CTNNA2: variants seen among roughly 807,000 people sequenced by gnomAD.
The protein encoded by CTNNA2 is catenin alpha-2.
A neutral mutation model predicts 101.0 loss-of-function variants in CTNNA2; 42 were observed. The observed-to-expected ratio is 0.42, with a 90% confidence interval of 0.32 to 0.54. The LOEUF (loss-of-function observed/expected upper bound fraction) is 0.54. CTNNA2 is among the 20% of genes least tolerant of loss of function. CTNNA2 has a pLI of 0.14. For synonymous variants in CTNNA2, 450 were observed against 456.4 expected, an observed-to-expected ratio of 0.99 and a Z score of 0.18; for missense variants, 871 against 1,223.1, an observed-to-expected ratio of 0.71 and a Z score of 4.29.
At chr2:79,597,540 T>A (rs1677281156) in intron 1 of CTNNA2, among the ~76,000 whole-genome samples, 1 of 151,972 alleles carries the variant, frequency 6.6e-6, no homozygotes, top group Admixed American at 6.6e-5. Context: ...ACAGTGGGAC[T>A]GTGGCCGTGA....
intron 2 of CTNNA2, among the ~76,000 whole-genome samples, chr2:79,682,219 T>C (rs1271164209): frequency 6.6e-6 from 1 of 151,516 alleles, no homozygotes; most frequent in East Asian, 2.0e-4. Context: ...CCATCCTGGC[T>C]AACAAGGTGA....
At chr2:80,370,980 A>G (rs550637579) in intron 7 of CTNNA2, among the ~76,000 whole-genome samples, 1 of 152,310 alleles carries the variant, frequency 6.6e-6, no homozygotes, top group East Asian at 1.9e-4. Context: ...ATGATTGAGC[A>G]AAAACGATAT....
At chr2:79,887,295 T>G (rs190871346) in intron 6 of CTNNA2, among the ~76,000 whole-genome samples, 3 of 152,292 alleles carry the variant, frequency 2.0e-5, no homozygotes, top group Admixed American at 2.0e-4. Context: ...ACTGAGGAAG[T>G]AGAATCAACA....
intron 18 of CTNNA2, among the ~76,000 whole-genome samples, chr2:80,620,827 C>T (rs1671044797): frequency 6.6e-6 from 1 of 151,854 alleles, no homozygotes; most frequent in Admixed American, 6.6e-5. Context: ...TATTTTCAAA[C>T]CCTTGGGACA....
intron 1 of CTNNA2, among the ~76,000 whole-genome samples, chr2:79,566,020 G>A (rs1049552617): frequency 2.0e-5 from 3 of 152,074 alleles, no homozygotes; most frequent in Admixed American, 6.6e-5. Flanking sequence ...ACAAAGATAT[G>A]CAGTGAACCA....
intron 4 of CTNNA2, among the ~76,000 whole-genome samples, chr2:79,397,652 A>AT (rs1156228985): frequency 2.6e-5 from 4 of 151,684 alleles, no homozygotes; most frequent in Non-Finnish European, 5.9e-5. Flanking sequence ...TGTTTGTTAA[A>AT]TTTTTTCATT....
chr2:79,945,307 C>G (rs1688422189), intron 7 of CTNNA2, among the ~76,000 whole-genome samples: 1 of 152,102 alleles, frequency 6.6e-6, no homozygotes, highest in Admixed American at 6.6e-5. Flanking sequence ...TCCCAAAGTG[C>G]TGGGGTAACA....
intron 7 of CTNNA2, among the ~76,000 whole-genome samples, chr2:80,135,063 C>G (rs181494217): frequency 1.3e-5 from 2 of 152,208 alleles, no homozygotes; most frequent in East Asian, 3.9e-4. Context: ...TACTGCTTAT[C>G]TGTACAAGAG....
chr2:79,194,017 C>A (rs886421911), intron 1 of CTNNA2, among the ~76,000 whole-genome samples: 1 of 152,162 alleles, frequency 6.6e-6, no homozygotes, highest in Non-Finnish European at 1.5e-5. Flanking sequence ...ACTATAGTAA[C>A]TTTATGAGTA....
At chr2:80,494,450 C>T (rs58977680) in intron 9 of CTNNA2, among the ~76,000 whole-genome samples, 11,939 of 152,044 alleles carry the variant, frequency 0.079, 1,291 homozygotes, top group African/African-American at 0.24. Flanking sequence ...TTTTTAATGA[C>T]TTTTTATAAT....
intron 1 of CTNNA2, among the ~76,000 whole-genome samples, chr2:79,527,809 T>G (rs1672506883): frequency 6.6e-6 from 1 of 152,172 alleles, no homozygotes; most frequent in Non-Finnish European, 1.5e-5. Context: ...AATTCTATTC[T>G]TAGATGTGTA....
chr2:79,241,967 G>T (rs531815652), intron 2 of CTNNA2, among the ~76,000 whole-genome samples: 1 of 151,540 alleles, frequency 6.6e-6, no homozygotes, highest in Non-Finnish European at 1.5e-5. Flanking sequence ...GTGCAGTGGC[G>T]CGATCTCCGC....
At chr2:79,480,417 T>G (rs1020490714) in intron 4 of CTNNA2, among the ~76,000 whole-genome samples, 1 of 152,204 alleles carries the variant, frequency 6.6e-6, no homozygotes, top group African/African-American at 2.4e-5. Flanking sequence ...GGCATCCATA[T>G]ACTTAATCAG....
intron 3 of CTNNA2, among the ~76,000 whole-genome samples, chr2:79,841,422 C>G (rs1679799240): frequency 6.6e-6 from 1 of 152,028 alleles, no homozygotes; most frequent in Non-Finnish European, 1.5e-5. Flanking sequence ...GCAAATAAGC[C>G]TAAGATTCAG....
chr2:79,736,137 C>T (rs1402160090), intron 2 of CTNNA2, among the ~76,000 whole-genome samples: 2 of 152,186 alleles, frequency 1.3e-5, no homozygotes, highest in South Asian at 2.1e-4. Context: ...ATTGTCACCT[C>T]CCTTTGCGTC....
rs1457548172 is a variant in CTNNA2 at position 79,376,636 on chromosome 2, T to TC, written c.-135+2628dup. ...ATCTCCTAATGCTATCCCTCTCCCC[T>TC]CCCCCAACCCCACAACAGGCCCTGG... On this transcript the variant is annotated intron_variant, in intron 4 of 21. Coordinates refer to the CTNNA2 transcript ENST00000466387. Among the ~76,000 whole-genome samples the TC allele has an allele frequency of 4.6e-5, 7 of 152,086 alleles. No homozygotes were observed. The South Asian group carries it at 1.0e-3, about 23-fold the overall frequency.
chr2:79,787,719 C>G (rs1200189672), intron 3 of CTNNA2, among the ~76,000 whole-genome samples: 2 of 151,904 alleles, frequency 1.3e-5, no homozygotes, highest in Non-Finnish European at 2.9e-5. Flanking sequence ...TTTCGTGGCC[C>G]CTTTTTTGCA....
intron 15 of CTNNA2, among the ~76,000 whole-genome samples, chr2:80,598,900 A>AT (rs1033571185): frequency 6.6e-6 from 1 of 152,210 alleles, no homozygotes; most frequent in African/African-American, 2.4e-5. Context: ...ACAGTATGAG[A>AT]GAAACTTGTG....
chr2:80,384,071 A>G (rs934872060), intron 7 of CTNNA2, among the ~76,000 whole-genome samples: 15 of 152,214 alleles, frequency 9.9e-5, no homozygotes, highest in Admixed American at 9.8e-4. Context: ...AGGAACAGAC[A>G]ACCAAATATC....
Sources: allele counts gnomAD v4.1 joint callset (sites outside exome capture counted in the v4.1 genomes callset), GRCh38; gene constraint gnomAD v4.1.1; transcripts MANE v1.5; gene names NCBI Gene and HGNC (gene_info 2026-07-23, HGNC 2026-07-21).